Variants in TRIM33 observed in about 807,000 individuals in gnomAD.
The protein encoded by TRIM33 is E3 ubiquitin-protein ligase TRIM33.
TRIM33 carries 20 observed loss-of-function variants against 125.4 expected under a neutral mutation model. The ratio of observed to expected loss-of-function variants is 0.16; its 90% CI spans 0.11 to 0.23. TRIM33 has a LOEUF of 0.23. Among genes scored for constraint, TRIM33 ranks in the 10% least tolerant of loss-of-function variants. TRIM33 has a pLI of 1.00. For missense variants in TRIM33, 920 were observed against 1,411.4 expected (o/e 0.65, Z 5.58); for synonymous variants, 564 against 513.9 (o/e 1.10, Z -1.32).
chr1:114,475,967 T>C (rs1031383015), intron 1 of TRIM33, among the ~76,000 whole-genome samples: 2 of 151,966 alleles, frequency 1.3e-5, no homozygotes, highest in Non-Finnish European at 1.5e-5. Flanking sequence ...ACCACTGCAC[T>C]CCAGCCAGGG....
At chr1:114,405,901 G>C (rs1413910875) in intron 14 of TRIM33, 142 bp from the exon 15 acceptor site, 17 of 773,732 alleles carry the variant, frequency 2.2e-5, no homozygotes, top group Non-Finnish European at 3.4e-5. Context: ...GTGCCATAAA[G>C]AAATGACAAT....
chr1:114,486,754 T>C (rs998913860), intron 1 of TRIM33, among the ~76,000 whole-genome samples: 2 of 152,172 alleles, frequency 1.3e-5, no homozygotes, highest in South Asian at 2.1e-4. Context: ...TCACCAGAGC[T>C]GCAGAGTTCC....
At chr1:114,421,005 T>A (rs1394276640) in intron 11 of TRIM33, among the ~76,000 whole-genome samples, 2 of 152,222 alleles carry the variant, frequency 1.3e-5, no homozygotes, top group South Asian at 2.1e-4. Flanking sequence ...GGATTTTTTT[T>A]AATGTGGTAG....
At position 114,427,812 on chromosome 1, in the gene TRIM33, A is replaced by G. The variant is rs752786962; in HGVS notation, c.1238T>C (p.Met413Thr). ...TGCAATTGCCCAATTTGTGAAGTTC[A>G]TAACATGCTTCACCTGCCGGGAAAG... ...TGLSRQVKHV[M>T]NFTNWAIASG... The change falls in exon 7 of 20, where the codon ATG becomes ACG. Residue 413 changes from methionine to threonine, a missense_variant. Around this residue, in one of 8 missense-constraint regions of TRIM33, gnomAD observed 407 missense variants for 589.7 expected, o/e 0.69. Coordinates refer to ENST00000358465, the MANE Select transcript of TRIM33 (RefSeq NM_015906.4). 5.6e-6 allele frequency: 9 copies of G among 1,614,054 alleles called. No individual in the cohort carries two copies. The South Asian group carries it at 7.7e-5, about 14-fold the overall frequency.
chr1:114,474,620 A>G (rs1454003850), intron 1 of TRIM33, among the ~76,000 whole-genome samples: 4 of 149,832 alleles, frequency 2.7e-5, no homozygotes, highest in Non-Finnish European at 5.9e-5. Flanking sequence ...GCAGTGGCTC[A>G]TGCCTGTAAT....
chr1:114,456,704 A>G (rs938093064), intron 4 of TRIM33, among the ~76,000 whole-genome samples: 1 of 152,188 alleles, frequency 6.6e-6, no homozygotes, highest in South Asian at 2.1e-4. Context: ...GCTTACTGTC[A>G]TAATTTGATT....
At chr1:114,420,692 C>T (rs1007489186) in intron 11 of TRIM33, among the ~76,000 whole-genome samples, 1 of 152,132 alleles carries the variant, frequency 6.6e-6, no homozygotes, top group Non-Finnish European at 1.5e-5. Flanking sequence ...TTGTGGTATA[C>T]AATGTAATGC....
chr1:114,431,998 G>C (rs558321631), intron 5 of TRIM33, among the ~76,000 whole-genome samples: 1 of 152,128 alleles, frequency 6.6e-6, no homozygotes, highest in East Asian at 1.9e-4. Context: ...ATTTAATTAA[G>C]TCTACTGTAT....
At chr1:114,474,971 A>G (rs1054534096) in intron 1 of TRIM33, among the ~76,000 whole-genome samples, 1 of 152,044 alleles carries the variant, frequency 6.6e-6, no homozygotes, top group African/African-American at 2.4e-5. Context: ...ATCATTAGAG[A>G]CAAGAGCAAA....
intron 11 of TRIM33, among the ~76,000 whole-genome samples, chr1:114,420,664 A>T (rs1158346226): frequency 2.6e-5 from 4 of 152,316 alleles, no homozygotes; most frequent in Non-Finnish European, 5.9e-5. Flanking sequence ...TTAACTGGCA[A>T]ATAACAATTG....
At chr1:114,453,665 A>C (rs1269553824) in intron 4 of TRIM33, among the ~76,000 whole-genome samples, 1 of 152,210 alleles carries the variant, frequency 6.6e-6, no homozygotes, top group African/African-American at 2.4e-5. Context: ...GTCTGTGTCA[A>C]CAATCTGATT....
chr1:114,454,158 A>G (rs1233871674), intron 4 of TRIM33, among the ~76,000 whole-genome samples: 1 of 152,188 alleles, frequency 6.6e-6, no homozygotes, highest in Non-Finnish European at 1.5e-5. Flanking sequence ...TAGCATCAGA[A>G]GTGGGATCAA....
At chr1:114,417,181 T>C (rs1652986199) in intron 11 of TRIM33, among the ~76,000 whole-genome samples, 1 of 151,994 alleles carries the variant, frequency 6.6e-6, no homozygotes. Context: ...AGTAGATTAG[T>C]GGTTTCCAGG....
intron 4 of TRIM33, among the ~76,000 whole-genome samples, chr1:114,437,433 G>C (rs1648375695): frequency 3.9e-5 from 6 of 152,096 alleles, no homozygotes; most frequent in Admixed American, 3.9e-4. Context: ...GTACCTCCTG[G>C]GTGCAAGCGA....
Position 114,415,133 on chromosome 1 carries a change from T to C in TRIM33, c.2062-4817A>G, listed in dbSNP as rs1000046024. 6.0e-5 allele frequency among the ~76,000 whole-genome samples: 9 copies of C among 151,178 alleles called. No homozygotes were observed. The South Asian group carries it at 1.5e-3, about 25-fold the overall frequency. On this transcript the variant is annotated intron_variant, in intron 11 of 19. Coordinates refer to ENST00000358465, the MANE Select transcript of TRIM33 (RefSeq NM_015906.4). ...CCTCAGCTTCCCAAGCAGCCAGGAA[T>C]ACAGGTCCATGCCAAGATGCCCGGC...
At chr1:114,495,364 A>G (rs1462385808) in intron 1 of TRIM33, among the ~76,000 whole-genome samples, 4 of 152,136 alleles carry the variant, frequency 2.6e-5, no homozygotes, top group African/African-American at 9.7e-5. Context: ...ATTTTACCAC[A>G]TTACCTCGGT....
intron 1 of TRIM33, among the ~76,000 whole-genome samples, chr1:114,487,068 C>G (rs1651744033): frequency 7.0e-6 from 1 of 143,846 alleles, no homozygotes; most frequent in African/African-American, 2.6e-5. Flanking sequence ...GCCTGGGCAA[C>G]AGAGCAAGAC....
chr1:114,469,483 G>T (rs1557884142), intron 1 of TRIM33, among the ~76,000 whole-genome samples: 1 of 152,190 alleles, frequency 6.6e-6, no homozygotes, highest in Non-Finnish European at 1.5e-5. Context: ...TTCTCTCTCT[G>T]TCAGAGAGAT....
rs1035096589 is a variant in TRIM33, at chr1:114,397,252, C to A, written c.*396G>T. 3.7e-6 allele frequency: 1 copy of A among 268,358 alleles called. No individual in the cohort carries two copies. Among genetic ancestry groups the A allele is most frequent in the Non-Finnish European group, 7.2e-6 (1 of 139,748 alleles). 16.6% of individuals were successfully genotyped at this position (268,358 alleles called of 1,614,324 possible). A position where few individuals can be genotyped will look rare whatever the true frequency, so the allele number is the denominator to read the frequency against. ...AAAAGTTGTTTTAATAACTGTGCGA[C>A]CTAGTCCAAAAAGAAAATTTATCAA... On this transcript the variant is annotated 3_prime_UTR_variant, in exon 20 of 20. Coordinates refer to ENST00000358465, the MANE Select transcript of TRIM33 (RefSeq NM_015906.4).
Sources: allele counts gnomAD v4.1 joint callset (sites outside exome capture counted in the v4.1 genomes callset), GRCh38; gene constraint gnomAD v4.1.1; regional missense constraint gnomAD v4.1.1; transcripts MANE v1.5; gene names NCBI Gene and HGNC (gene_info 2026-07-23, HGNC 2026-07-21).